GTF3C1: variants seen among roughly 807,000 people sequenced by gnomAD.
GTF3C1 encodes the protein general transcription factor 3C polypeptide 1.
Under a neutral mutation model 226.7 loss-of-function variants are expected in GTF3C1, and 57 were observed. That is an observed-to-expected ratio of 0.25 (90% CI 0.20 to 0.31). The LOEUF (loss-of-function observed/expected upper bound fraction) is 0.31, where lower values mean the gene tolerates loss of function less well. GTF3C1 is among the 10% of genes least tolerant of loss of function. The pLI is 1.00. For missense variants in GTF3C1, 2,217 were observed against 2,776.1 expected (o/e 0.80, Z 4.53); for synonymous variants, 1,090 against 1,084.8 (o/e 1.00, Z -0.09).
In GTF3C1 at chr16:27,476,457, T is replaced by C; in HGVS notation, c.4347A>G (p.Ser1449=). 2.5e-6 allele frequency: 4 copies of C among 1,607,110 alleles called. No individual in the cohort carries two copies. Among genetic ancestry groups the C allele is most frequent in the Non-Finnish European group, 3.4e-6 (4 of 1,173,724 alleles). ...CCGGGCAGCCGACACCCACCTGGAA[T>C]GACTGGTAGGACTTCATCTGACTGT... ...LSDSQMKSYQ[S]FQTFRLYREY... is the part of the protein sequence containing the mutation. The change falls in exon 29 of 37, where the codon TCA becomes TCG. Residue 1449 remains serine, a synonymous_variant. Transcript: ENST00000356183.
chr16:27,491,656 C>T (rs2088234658), intron 19 of GTF3C1, among the ~76,000 whole-genome samples: 2 of 152,138 alleles, frequency 1.3e-5, no homozygotes, highest in Admixed American at 1.3e-4. Flanking sequence ...CCAACTCAGC[C>T]AAGTCACCAG....
At chr16:27,548,177 A>G (rs770621677) in intron 1 of GTF3C1, among the ~76,000 whole-genome samples, 1 of 152,202 alleles carries the variant, frequency 6.6e-6, no homozygotes, top group Non-Finnish European at 1.5e-5. Context: ...TCCACACTTC[A>G]GCCACTTACT....
Position 27,505,926 on chromosome 16 carries a change from G to C in GTF3C1, c.1743C>G (p.Ile581Met). The C allele has an allele frequency of 1.9e-6, 3 of 1,611,120 alleles. No homozygotes were observed. The highest frequency in any genetic ancestry group is 2.5e-6 in the Non-Finnish European group (3 of 1,177,310). The change falls in exon 10 of 37, where the codon ATC becomes ATG. Residue 581 changes from isoleucine to methionine, a missense_variant. Physicochemically the swap from Ile to Met is conservative, Grantham distance 10 (BLOSUM62 1). This residue lies in a region of GTF3C1 where 173 missense variants were observed against 207.2 expected (regional missense o/e 0.83). Coordinates refer to ENST00000356183, the MANE Select transcript of GTF3C1 (RefSeq NM_001520.4). ...TTGGGTTTTCCATCCGGACCTCCTC[G>C]ATCACAGCTATGTCACCACTGTTGC... is the stretch of plus-strand genomic sequence containing the variant. ...ADSNSGDIAV[I>M]EEVRMENPKE...
intron 5 of GTF3C1, among the ~76,000 whole-genome samples, chr16:27,530,074 C>T (rs538224490): frequency 3.3e-5 from 5 of 152,298 alleles, no homozygotes; most frequent in South Asian, 2.1e-4. Flanking sequence ...AGGAGGCACT[C>T]GTGACTGAGA....
chr16:27,543,601 T>C (rs2089121096), intron 2 of GTF3C1, among the ~76,000 whole-genome samples: 1 of 152,144 alleles, frequency 6.6e-6, no homozygotes, highest in Admixed American at 6.5e-5. Flanking sequence ...TCTTGCTATA[T>C]TGCCCAGGCT....
intron 26 of GTF3C1, among the ~76,000 whole-genome samples, chr16:27,482,109 A>C (rs1039200036): frequency 2.0e-5 from 3 of 152,068 alleles, no homozygotes; most frequent in African/African-American, 7.2e-5. Context: ...CCCTGATACA[A>C]GGGCCATGTG....
At chr16:27,512,497 T>C (rs2088588910) in intron 6 of GTF3C1, among the ~76,000 whole-genome samples, 1 of 152,082 alleles carries the variant, frequency 6.6e-6, no homozygotes, top group Non-Finnish European at 1.5e-5. Flanking sequence ...ATAGATCTAC[T>C]ACAGCACTCT....
Position 27,471,108 on chromosome 16 carries a change from A to G in GTF3C1, c.4526+640T>C, listed in dbSNP as rs899623879. On this transcript the variant is annotated intron_variant, in intron 30 of 36. Transcript: ENST00000356183. This position sits in a 1 kb window ranked among gnomAD's most constrained non-coding sequence, Gnocchi z 5.0. The stretch of plus-strand genomic sequence containing the variant: ...GGATCAAAGAACCAAAAGAAGATTC[A>G]TGGTGCTGTCTCTGAGCATCTGACT... Among the ~76,000 whole-genome samples the G allele has an allele frequency of 6.6e-6, 1 of 152,200 alleles. No homozygotes were observed. The highest frequency in any genetic ancestry group is 1.5e-5 in the Non-Finnish European group (1 of 68,034).
At chr16:27,530,951 T>C (rs2088906962) in intron 5 of GTF3C1, among the ~76,000 whole-genome samples, 2 of 152,178 alleles carry the variant, frequency 1.3e-5, no homozygotes, top group Admixed American at 1.3e-4. Context: ...CCACGTCCTG[T>C]TAGTTTCACC....
chr16:27,537,748 T>A, intron 4 of GTF3C1, 36 bp downstream of exon 4: 1 of 1,533,766 alleles, frequency 6.5e-7, no homozygotes, highest in South Asian at 1.2e-5. Context: ...TGGCTGCAAC[T>A]AAAAAACCTA....
Position 27,470,955 on chromosome 16 carries a change from G to A in GTF3C1, c.4527-560C>T, listed in dbSNP as rs898258362. On this transcript the variant is annotated intron_variant, in intron 30 of 36. Coordinates refer to ENST00000356183, the MANE Select transcript of GTF3C1 (RefSeq NM_001520.4). The surrounding 1 kb of genome is among the most constrained non-coding windows in gnomAD (Gnocchi z 4.9). ...GACATGCGGTCAGAGCAGTGTCTCCGTGACAAATGGCCTTGTTGGATTTGG... is the reference window on the plus strand; with the variant it reads ...GACATGCGGTCAGAGCAGTGTCTCCATGACAAATGGCCTTGTTGGATTTGG... 7.2e-5 allele frequency among the ~76,000 whole-genome samples: 11 copies of A among 152,218 alleles called. No homozygotes were observed. Among genetic ancestry groups the A allele is most frequent in the Admixed American group, 2.0e-4 (3 of 15,280 alleles).
chr16:27,523,625 A>T (rs1205375866), intron 6 of GTF3C1, among the ~76,000 whole-genome samples: 1 of 152,170 alleles, frequency 6.6e-6, no homozygotes, highest in Non-Finnish European at 1.5e-5. Context: ...TTTGCTCAGC[A>T]TCTGCTTAGC....
At chr16:27,483,501 C>T in intron 25 of GTF3C1, 1 of 463,372 alleles carries the variant, frequency 2.2e-6, no homozygotes. Flanking sequence ...CTTAAGCTCT[C>T]TAATCTACTG....
In GTF3C1 at chr16:27,469,677, A is replaced by T. The variant is rs80055039; in HGVS notation, c.4815-127T>A. The stretch of plus-strand genomic sequence containing the variant: ...TGGCCCCAGCAACTGGCTATGCTTC[A>T]TTACCAAGGCTGGTGTGGATGGCTG... On this transcript the variant is annotated intron_variant, in intron 31 of 36. Coordinates refer to ENST00000356183, the MANE Select transcript of GTF3C1 (RefSeq NM_001520.4). The surrounding 1 kb of genome is among the most constrained non-coding windows in gnomAD (Gnocchi z 4.5). 1 of 1,036,406 alleles carries T rather than the reference A, an allele frequency of 9.6e-7. No individual in the cohort carries two copies. Among genetic ancestry groups the T allele is most frequent in the Non-Finnish European group, 1.4e-6 (1 of 699,412 alleles). The allele number at this position is 1,036,406 out of a possible 1,614,324, so 64.2% of individuals were successfully genotyped here. A position where few individuals can be genotyped will look rare whatever the true frequency, so the allele number is the denominator to read the frequency against.
Position 27,461,614 on chromosome 16 carries a change from T to A in GTF3C1, c.6118-52A>T. ...AGCGGCACTGCCCTCGCCTGCTTGTTGATTTATTCTTCAAGCATTTATGGA... is the reference window on the plus strand; with the variant it reads ...AGCGGCACTGCCCTCGCCTGCTTGTAGATTTATTCTTCAAGCATTTATGGA... On this transcript the variant is annotated intron_variant, in intron 36 of 36. Transcript: ENST00000356183. This position sits in a 1 kb window ranked among gnomAD's most constrained non-coding sequence, Gnocchi z 5.3. 3 of 1,329,050 alleles carry A rather than the reference T, an allele frequency of 2.3e-6. No individual in the cohort carries two copies. The highest frequency in any genetic ancestry group is 1.2e-5 in the South Asian group (1 of 84,720). The allele number at this position is 1,329,050 out of a possible 1,614,324, so 82.3% of individuals were successfully genotyped here.
At chr16:27,493,690 A>T (rs1392144990) in intron 16 of GTF3C1, among the ~76,000 whole-genome samples, 4 of 152,250 alleles carry the variant, frequency 2.6e-5, no homozygotes, top group African/African-American at 9.6e-5. Context: ...TGGAGCCGCC[A>T]ATCTATGTCT....
rs752200937 is a variant in GTF3C1, at chr16:27,464,880, TC to T, written c.5356-45del. On this transcript the variant is annotated intron_variant, in intron 33 of 36. Coordinates refer to ENST00000356183, the MANE Select transcript of GTF3C1 (RefSeq NM_001520.4). Reference sequence around the variant, plus strand: ...CGCGGGGTCTGTGGGGAGCTCGGGATCCTCCACGCTGGTGACGGGGGACGAG... The same window carrying T: ...CGCGGGGTCTGTGGGGAGCTCGGGATCTCCACGCTGGTGACGGGGGACGAG... The T allele has an allele frequency of 9.7e-6, 14 of 1,446,036 alleles. No homozygotes were observed. In the African/African-American group the frequency reaches 2.0e-4, roughly 21 times the overall value. The allele number at this position is 1,446,036 out of a possible 1,614,324, so 89.6% of individuals were successfully genotyped here.
intron 23 of GTF3C1, among the ~76,000 whole-genome samples, chr16:27,487,654 G>A (rs1001140370): frequency 1.8e-4 from 28 of 152,180 alleles, no homozygotes; most frequent in African/African-American, 6.3e-4. Flanking sequence ...TTAACCGGGT[G>A]TGGTGGCGCA....
At position 27,461,586 on chromosome 16, in the gene GTF3C1, T is replaced by C. The variant is rs377166765; in HGVS notation, c.6118-24A>G. On this transcript the variant is annotated intron_variant, in intron 36 of 36. Transcript: ENST00000356183. This position sits in a 1 kb window ranked among gnomAD's most constrained non-coding sequence, Gnocchi z 5.3. Reference sequence around the variant, plus strand: ...CCCTGGAGACACCAGACACACAGGTTACAGCGGCACTGCCCTCGCCTGCTT... The same window carrying C: ...CCCTGGAGACACCAGACACACAGGTCACAGCGGCACTGCCCTCGCCTGCTT... The C allele has an allele frequency of 3.9e-6, 6 of 1,556,030 alleles. No individual in the cohort carries two copies. The African/African-American group carries it at 6.8e-5, about 18-fold the overall frequency.
Sources: gnomAD v4.1 joint callset for allele counts (sites outside exome capture counted in the v4.1 genomes callset) on GRCh38, gnomAD v4.1.1 for gene constraint, gnomAD v4.1.1 regional missense constraint, Gnocchi (gnomAD v3.1) non-coding constraint, MANE v1.5 for transcripts, NCBI Gene and HGNC (gene_info 2026-07-23, HGNC 2026-07-21) for gene names.